The following MYO18B variants were observed in gnomAD, a reference collection of about 807,000 sequenced individuals.
MYO18B encodes myosin XVIIIB.
MYO18B carries 204 observed loss-of-function variants against 273.0 expected under a neutral mutation model. The ratio of observed to expected loss-of-function variants is 0.75; its 90% CI spans 0.67 to 0.84. MYO18B has a LOEUF of 0.84. Among genes scored for constraint, MYO18B ranks in the 40% least tolerant of loss-of-function variants. The probability of loss-of-function intolerance (pLI) is 0.00; values close to 1 mark genes in which losing one functional copy is unlikely to be tolerated. For missense variants in MYO18B, 3,212 were observed against 3,287.6 expected (o/e 0.98, Z 0.56); for synonymous variants, 1,330 against 1,305.7 (o/e 1.02, Z -0.40).
In MYO18B at chr22:25,891,289, A is replaced by T. The variant is rs2146281680; in HGVS notation, c.4435-15A>T. Reference sequence around the variant, plus strand: ...CTGTCCAGCTCTAGTTTAGACCTTGAGCCCTTTCTTCTAGAGCAAGCATGA... The same window carrying T: ...CTGTCCAGCTCTAGTTTAGACCTTGTGCCCTTTCTTCTAGAGCAAGCATGA... On this transcript the variant is annotated splice_polypyrimidine_tract_variant and intron_variant, in intron 26 of 43. Coordinates refer to ENST00000335473, the MANE Select transcript of MYO18B (RefSeq NM_032608.7). 2 of 1,530,266 alleles carry T rather than the reference A, an allele frequency of 1.3e-6. No homozygotes were observed. The highest frequency in any genetic ancestry group is 1.8e-6 in the Non-Finnish European group (2 of 1,125,004). 94.8% of individuals were successfully genotyped at this position (1,530,266 alleles called of 1,614,324 possible). A position where few individuals can be genotyped will look rare whatever the true frequency, so the allele number is the denominator to read the frequency against.
At chr22:25,785,516 G>A in intron 11 of MYO18B, 25 bp downstream of exon 11, 2 of 1,607,062 alleles carry the variant, frequency 1.2e-6, no homozygotes, top group Non-Finnish European at 1.7e-6. Context: ...CCTCACGGGT[G>A]GGATGTGAGT....
chr22:25,855,338 C>T (rs868746102), intron 21 of MYO18B, among the ~76,000 whole-genome samples: 2 of 137,398 alleles, frequency 1.5e-5, no homozygotes, highest in African/African-American at 2.8e-5. Flanking sequence ...GGCTAGAATG[C>T]GGTGGCACGA....
In MYO18B at chr22:25,818,420, G is replaced by C. The variant is rs540344046; in HGVS notation, c.2522-5085G>C. ...CACAGCCGGGCAGAAATCACATCTT[G>C]TACCTCTTTGCACAAGAATTTTGAC... On this transcript the variant is annotated intron_variant, in intron 12 of 43. Coordinates refer to ENST00000335473, the MANE Select transcript of MYO18B (RefSeq NM_032608.7). Among the ~76,000 whole-genome samples, 5 of 152,268 alleles carry C rather than the reference G, an allele frequency of 3.3e-5. No individual in the cohort carries two copies. In the South Asian group the frequency reaches 1.0e-3, roughly 32 times the overall value.
At chr22:25,949,101 A>G (rs2249582) in intron 36 of MYO18B, among the ~76,000 whole-genome samples, 18,578 of 152,072 alleles carry the variant, frequency 0.12, 1,430 homozygotes, top group East Asian at 0.24. Context: ...ATTGGGTTTT[A>G]TTTTATGGTT....
intron 21 of MYO18B, among the ~76,000 whole-genome samples, chr22:25,861,603 A>G (rs940190293): frequency 6.6e-6 from 1 of 152,190 alleles, no homozygotes; most frequent in African/African-American, 2.4e-5. Context: ...CCAGATTGAC[A>G]ATCTCTGCCT....
chr22:25,987,691 T>G (rs761999892), intron 39 of MYO18B, among the ~76,000 whole-genome samples: 2 of 152,154 alleles, frequency 1.3e-5, no homozygotes, highest in Non-Finnish European at 2.9e-5. Flanking sequence ...GGACTTTATT[T>G]GTATTGCCGG....
chr22:25,881,263 G>T (rs2091325955), intron 25 of MYO18B, among the ~76,000 whole-genome samples: 1 of 152,216 alleles, frequency 6.6e-6, no homozygotes, highest in African/African-American at 2.4e-5. Flanking sequence ...CCACGGAGAA[G>T]GCAGAAGCCT....
chr22:25,886,858 C>A (rs2091515901), intron 25 of MYO18B, among the ~76,000 whole-genome samples: 1 of 152,188 alleles, frequency 6.6e-6, no homozygotes, highest in African/African-American at 2.4e-5. Flanking sequence ...ATCACTCCCT[C>A]TCTCAACTCC....
Position 25,877,973 on chromosome 22 carries a change from G to T in MYO18B, c.4239G>T (p.Thr1413=), listed in dbSNP as rs1400943651. The T allele has an allele frequency of 6.3e-7, 1 of 1,576,082 alleles. No individual in the cohort carries two copies. Residue 1413 remains threonine, a synonymous_variant, in exon 25 of 44, where the codon ACG becomes ACT. Coordinates refer to ENST00000335473, the MANE Select transcript of MYO18B (RefSeq NM_032608.7). ...QLRAKEEELT[T]LRRKLEKSEK... ...TGTTTTTGTAGGAGGAGCTTACAAC[G>T]CTAAGACGGAAGCTAGAAAAATCAG...
At chr22:25,767,282 G>A (rs2086539020) in intron 3 of MYO18B, among the ~76,000 whole-genome samples, 1 of 152,214 alleles carries the variant, frequency 6.6e-6, no homozygotes, top group Admixed American at 6.5e-5. Context: ...AGCAGGCAGT[G>A]GAAACCCCTT....
intron 1 of MYO18B, among the ~76,000 whole-genome samples, chr22:25,753,689 C>A (rs1028077157): frequency 1.3e-5 from 2 of 152,188 alleles, no homozygotes; most frequent in East Asian, 1.9e-4. Context: ...TCAGGAGGAA[C>A]GACCAACTCC....
chr22:25,781,714 C>A lies in MYO18B; in HGVS notation c.2212-20C>A. On this transcript the variant is annotated intron_variant, in intron 9 of 43. Transcript: ENST00000335473. ...ATGTACCCAAAGCACTGACTGGGTGCCCCTCTTCTCTCCCTGCAGACAATG... is the reference window on the plus strand; with the variant it reads ...ATGTACCCAAAGCACTGACTGGGTGACCCTCTTCTCTCCCTGCAGACAATG... 1.3e-6 allele frequency: 2 copies of A among 1,492,234 alleles called. No homozygotes were observed. Among genetic ancestry groups the A allele is most frequent in the Non-Finnish European group, 8.9e-7 (1 of 1,119,764 alleles). 92.4% of individuals were successfully genotyped at this position (1,492,234 alleles called of 1,614,324 possible).
chr22:25,761,231 C>A, intron 2 of MYO18B, 100 bp downstream of exon 2: 2 of 1,310,348 alleles, frequency 1.5e-6, no homozygotes, highest in Non-Finnish European at 1.1e-6. Flanking sequence ...GGGAGTCTGA[C>A]ATCCAGCCCT....
intron 40 of MYO18B, among the ~76,000 whole-genome samples, chr22:25,993,068 G>A (rs145347911): frequency 6.6e-6 from 1 of 152,130 alleles, no homozygotes; most frequent in Non-Finnish European, 1.5e-5. Flanking sequence ...GGTAATTAGC[G>A]AGACCACCCA....
chr22:25,908,469 C>T, intron 32 of MYO18B, 37 bp downstream of exon 32: 2 of 1,513,608 alleles, frequency 1.3e-6, no homozygotes, highest in Non-Finnish European at 1.8e-6. Context: ...CCCTTGGATC[C>T]TGGCAGGTCT....
the MYO18B span, among the ~76,000 whole-genome samples, chr22:26,040,470 G>T: frequency 1.3e-5 from 2 of 152,144 alleles, no homozygotes; most frequent in African/African-American, 2.4e-5. Context: ...GATAGTTGGG[G>T]GTGGGAGCAA....
At chr22:26,023,506 C>G (rs576780755) in intron 42 of MYO18B, among the ~76,000 whole-genome samples, 1 of 146,706 alleles carries the variant, frequency 6.8e-6, no homozygotes, top group East Asian at 2.0e-4. Context: ...TACCTCCTCC[C>G]TCCTCCTCCC....
intron 1 of MYO18B, among the ~76,000 whole-genome samples, chr22:25,751,097 G>A (rs963155205): frequency 6.6e-6 from 1 of 152,280 alleles, no homozygotes; most frequent in East Asian, 1.9e-4. Flanking sequence ...CCACCTCTTC[G>A]GATGGAAAGA....
At chr22:25,939,099 G>T (rs1340392022) in intron 34 of MYO18B, among the ~76,000 whole-genome samples, 1 of 152,206 alleles carries the variant, frequency 6.6e-6, no homozygotes, top group African/African-American at 2.4e-5. Context: ...ACAGGCATAA[G>T]CCACCATGCC....
Sources: gnomAD v4.1 joint callset for allele counts (sites outside exome capture counted in the v4.1 genomes callset) on GRCh38, gnomAD v4.1.1 for gene constraint, MANE v1.5 for transcripts, NCBI Gene and HGNC (gene_info 2026-07-23, HGNC 2026-07-21) for gene names.